DIP2C: variants seen among roughly 807,000 people sequenced by gnomAD.
DIP2C encodes DIP2 acetate--CoA ligase C (putative), also known as disco-interacting protein 2 homolog C.
A neutral mutation model predicts 192.4 loss-of-function variants in DIP2C; 33 were observed. That is an observed-to-expected ratio of 0.17 (90% CI 0.13 to 0.23). DIP2C has a LOEUF of 0.23. DIP2C is among the 10% of genes least tolerant of loss of function. The pLI is 1.00. For synonymous variants in DIP2C, 979 were observed against 864.1 expected, an observed-to-expected ratio of 1.13 and a Z score of -2.33; for missense variants, 1,537 against 2,110.1, an observed-to-expected ratio of 0.73 and a Z score of 5.32.
At chr10:549,212 T>C (rs1378397153) in intron 1 of DIP2C, among the ~76,000 whole-genome samples, 2 of 152,174 alleles carry the variant, frequency 1.3e-5, no homozygotes, top group East Asian at 3.8e-4. Flanking sequence ...ACTTTTTCAT[T>C]ATTGCTTCCC....
At chr10:379,950 T>C (rs11596939) in intron 17 of DIP2C, among the ~76,000 whole-genome samples, 48,420 of 149,838 alleles carry the variant, frequency 0.32, 9,224 homozygotes, top group Non-Finnish European at 0.44. Context: ...TGGAAGATGG[T>C]TAACGTGCAG....
At chr10:416,353 C>T (rs375424603) in intron 6 of DIP2C, among the ~76,000 whole-genome samples, 26 of 152,142 alleles carry the variant, frequency 1.7e-4, no homozygotes, top group East Asian at 1.6e-3. Context: ...CATGGAGGCA[C>T]GAGAACATCG....
intron 3 of DIP2C, among the ~76,000 whole-genome samples, chr10:457,321 T>A (rs1205616327): frequency 1.3e-5 from 2 of 152,238 alleles, no homozygotes; most frequent in African/African-American, 4.8e-5. Flanking sequence ...GTTTCCAAGA[T>A]GTCTTCTGAC....
chr10:415,580 C>A (rs1227204408), intron 7 of DIP2C, among the ~76,000 whole-genome samples, 189 bp downstream of exon 7: 2 of 152,174 alleles, frequency 1.3e-5, no homozygotes, highest in Non-Finnish European at 2.9e-5. Context: ...GACTAACAAC[C>A]AGGTTTAGAG....
rs375288711 is a variant in DIP2C at position 406,498 on chromosome 10, G to A, written c.1149+2428C>T. 1.3e-3 allele frequency among the ~76,000 whole-genome samples: 197 copies of A among 152,318 alleles called. 3 individuals are homozygous for A. In the South Asian group the frequency reaches 0.018, roughly 14 times the overall value. ...CACTCTTGTGAAAATGATAACTGAG[G>A]AAATTATGACACTGAAAGGGATCAG... is the stretch of plus-strand genomic sequence containing the variant. On this transcript the variant is annotated intron_variant, in intron 9 of 36. Coordinates refer to ENST00000280886, the MANE Select transcript of DIP2C (RefSeq NM_014974.3).
At chr10:414,886 GTGTGTATATA>G (rs1292638337) in intron 7 of DIP2C, among the ~76,000 whole-genome samples, 3 of 61,322 alleles carry the variant, frequency 4.9e-5, no homozygotes, top group South Asian at 6.7e-4. Context: ...GTGTGTGTGT[GTGTGTATATA>G]TATATATATA....
intron 1 of DIP2C, among the ~76,000 whole-genome samples, chr10:600,611 T>G (rs1333296521): frequency 7.5e-6 from 1 of 132,674 alleles, no homozygotes; most frequent in Non-Finnish European, 1.6e-5. Context: ...TTAAAGAGGG[T>G]TTCCGGATGC....
At chr10:419,813 G>A (rs1031370495) in intron 5 of DIP2C, among the ~76,000 whole-genome samples, 4 of 152,102 alleles carry the variant, frequency 2.6e-5, no homozygotes, top group Admixed American at 1.3e-4. Context: ...AAAAAACCAC[G>A]TTACACCCTA....
chr10:488,592 T>C (rs1266263301), intron 1 of DIP2C, among the ~76,000 whole-genome samples: 1 of 152,126 alleles, frequency 6.6e-6, no homozygotes, highest in Admixed American at 6.5e-5. Flanking sequence ...TTTCCTCGCA[T>C]GTTCACGCCC....
chr10:470,041 G>A (rs1305177421), intron 3 of DIP2C, among the ~76,000 whole-genome samples: 1 of 152,172 alleles, frequency 6.6e-6, no homozygotes, highest in Non-Finnish European at 1.5e-5. Flanking sequence ...TGGGGTAAAT[G>A]GATGAAATGT....
At chr10:410,867 TA>T (rs1321845416) in intron 8 of DIP2C, among the ~76,000 whole-genome samples, 1 of 152,236 alleles carries the variant, frequency 6.6e-6, no homozygotes, top group African/African-American at 2.4e-5. Context: ...GGCAGGAAGT[TA>T]AGCTGCTGAT....
At chr10:555,536 T>A (rs1285447916) in intron 1 of DIP2C, among the ~76,000 whole-genome samples, 1 of 152,150 alleles carries the variant, frequency 6.6e-6, no homozygotes, top group South Asian at 2.1e-4. Context: ...TGGCCCACCC[T>A]GGGGGAGGCA....
chr10:344,672 A>G, intron 28 of DIP2C, 137 bp downstream of exon 28: 1 of 704,154 alleles, frequency 1.4e-6, no homozygotes, highest in Non-Finnish European at 2.4e-6. Flanking sequence ...CATACCGTGA[A>G]TGAAACACGT....
chr10:406,721 G>A (rs944021337), intron 9 of DIP2C, among the ~76,000 whole-genome samples: 1 of 152,082 alleles, frequency 6.6e-6, no homozygotes, highest in Non-Finnish European at 1.5e-5. Flanking sequence ...TTAGCTACAA[G>A]ATTAGAAATT....
intron 29 of DIP2C, among the ~76,000 whole-genome samples, chr10:337,301 CTG>C (rs537765230): frequency 7.1e-5 from 1 of 14,068 alleles, no homozygotes; most frequent in African/African-American, 1.9e-4. Context: ...GCCTAGGCAG[CTG>C]TGTGTGTGTG....
intron 1 of DIP2C, among the ~76,000 whole-genome samples, chr10:580,269 A>C (rs1352199650): frequency 1.3e-5 from 2 of 151,034 alleles, no homozygotes; most frequent in African/African-American, 5.0e-5. Context: ...CATATGCAGT[A>C]CATAGTGTAT....
intron 17 of DIP2C, among the ~76,000 whole-genome samples, chr10:378,699 A>G (rs1214704857): frequency 1.3e-5 from 2 of 152,130 alleles, no homozygotes; most frequent in Non-Finnish European, 2.9e-5. Flanking sequence ...GCATACACAC[A>G]TGAACAGATA....
chr10:396,884 G>A (rs2133000737), intron 10 of DIP2C, among the ~76,000 whole-genome samples: 1 of 151,934 alleles, frequency 6.6e-6, no homozygotes, highest in East Asian at 1.9e-4. Flanking sequence ...TTCTCCCATA[G>A]CAGCTACCAC....
At chr10:332,150 C>G (rs146683340) in intron 29 of DIP2C, among the ~76,000 whole-genome samples, 334 of 152,258 alleles carry the variant, frequency 2.2e-3, no homozygotes, top group Middle Eastern at 0.014. Context: ...TGGGGTCTCA[C>G]TATGTTGCCC....
Sources: allele counts gnomAD v4.1 joint callset (sites outside exome capture counted in the v4.1 genomes callset), GRCh38; gene constraint gnomAD v4.1.1; transcripts MANE v1.5; gene names NCBI Gene and HGNC (gene_info 2026-07-23, HGNC 2026-07-21).